The following WDR64 variants were observed in gnomAD, a reference collection of about 807,000 sequenced individuals.
WDR64 encodes the protein WD repeat domain 64, also known as WD repeat-containing protein 64.
In WDR64, 112 loss-of-function variants were observed where a neutral mutation model predicts 139.3. That is an observed-to-expected ratio of 0.80 (90% CI 0.69 to 0.94). The LOEUF (loss-of-function observed/expected upper bound fraction) is 0.94. Ranked by LOEUF, WDR64 falls within the 40% of genes least tolerant of loss-of-function variation. WDR64 has a pLI of 0.00. For synonymous variants in WDR64, 444 were observed against 437.7 expected, an observed-to-expected ratio of 1.01 and a Z score of -0.18; for missense variants, 1,206 against 1,293.1, an observed-to-expected ratio of 0.93 and a Z score of 1.03.
chr1:241,674,593 T>A, intron 3 of WDR64, 51 bp from the exon 4 acceptor site: 1 of 1,234,754 alleles, frequency 8.1e-7, no homozygotes, highest in Non-Finnish European at 1.1e-6. Context: ...AACAAATGAG[T>A]TTCAGCACCT....
chr1:241,747,529 C>G lies in WDR64; in HGVS notation c.1595-2018C>G, dbSNP rs765151492. Among the ~76,000 whole-genome samples, 5 of 152,256 alleles carry G rather than the reference C, an allele frequency of 3.3e-5. 1 individual carries two copies. Among genetic ancestry groups the G allele is most frequent in the Admixed American group, 6.5e-5 (1 of 15,302 alleles). ...TTTGCCAAACACTGAAACACTGATA[C>G]AAATCTTTAAATTTGTACATTAGTT... On this transcript the variant is annotated intron_variant, in intron 13 of 27. Coordinates refer to ENST00000437684, the MANE Select transcript of WDR64 (RefSeq NM_001367482.1).
chr1:241,656,665 G>A lies in WDR64; in HGVS notation c.146-3865G>A, dbSNP rs1029537203. 6.6e-6 allele frequency among the ~76,000 whole-genome samples: 1 copy of A among 152,020 alleles called. No individual in the cohort carries two copies. Among genetic ancestry groups the A allele is most frequent in the South Asian group, 2.1e-4 (1 of 4,826 alleles). On this transcript the variant is annotated intron_variant, in intron 1 of 27. Transcript: ENST00000437684. This position sits in a 1 kb window ranked among gnomAD's most constrained non-coding sequence, Gnocchi z 4.3. Reference sequence around the variant, plus strand: ...AAACCTGAGTGTCATTCTAGAACCAGGTATCTTAACCTTGGCACTACTGAT... The same window carrying A: ...AAACCTGAGTGTCATTCTAGAACCAAGTATCTTAACCTTGGCACTACTGAT...
At chr1:241,722,949 A>G (rs1668662040) in intron 9 of WDR64, among the ~76,000 whole-genome samples, 1 of 152,226 alleles carries the variant, frequency 6.6e-6, no homozygotes, top group Admixed American at 6.5e-5. Context: ...GAATGAAAAC[A>G]AAAGAACAGC....
intron 9 of WDR64, among the ~76,000 whole-genome samples, chr1:241,719,203 T>A (rs1461445206): frequency 6.6e-6 from 1 of 152,158 alleles, no homozygotes; most frequent in Non-Finnish European, 1.5e-5. Context: ...GTTTTTCCCC[T>A]CTTTGGGGAC....
intron 27 of WDR64, among the ~76,000 whole-genome samples, chr1:241,800,423 G>GATAAACT (rs1439386073): frequency 1.3e-5 from 2 of 152,066 alleles, no homozygotes; most frequent in African/African-American, 4.8e-5. Flanking sequence ...TAACTGATAT[G>GATAAACT]AATTTTTAAA....
rs570379831 is a variant in WDR64, at chr1:241,788,750, C to T, written c.2891+716C>T. ...GATCAAAGCAGGAACAATTTGAAAACAATCAAGAAGGGTTCCAGGTGACCC... is the reference window on the plus strand; with the variant it reads ...GATCAAAGCAGGAACAATTTGAAAATAATCAAGAAGGGTTCCAGGTGACCC... On this transcript the variant is annotated intron_variant, in intron 24 of 27. Coordinates refer to ENST00000437684, the MANE Select transcript of WDR64 (RefSeq NM_001367482.1). 7.2e-5 allele frequency among the ~76,000 whole-genome samples: 11 copies of T among 152,240 alleles called. No homozygotes were observed. The South Asian group carries it at 2.3e-3, about 32-fold the overall frequency.
At chr1:241,764,308 G>A (rs1658048798) in intron 15 of WDR64, among the ~76,000 whole-genome samples, 1 of 152,066 alleles carries the variant, frequency 6.6e-6, no homozygotes, top group Admixed American at 6.6e-5. Context: ...GACAGGGACA[G>A]GACTAAAGGC....
chr1:241,766,344 A>C lies in WDR64; in HGVS notation c.2074A>C (p.Lys692Gln), dbSNP rs1296253777. 5.6e-6 allele frequency: 9 copies of C among 1,613,516 alleles called. No homozygotes were observed. The highest frequency in any genetic ancestry group is 7.6e-6 in the Non-Finnish European group (9 of 1,179,772). Reference sequence around the variant, plus strand: ...ATGGAATTTTGTGACGTCTACTGTCAAAAAAGTGTAAGTTGTGTATTATCC... The same window carrying C: ...ATGGAATTTTGTGACGTCTACTGTCCAAAAAGTGTAAGTTGTGTATTATCC... The part of the protein sequence containing the change: ...ILWNFVTSTV[K>Q]KVYRPEDCFT... Residue 692 changes from lysine to glutamine, a missense_variant, in exon 16 of 28, where the codon AAA becomes CAA. Coordinates refer to ENST00000437684, the MANE Select transcript of WDR64 (RefSeq NM_001367482.1).
At chr1:241,673,208 A>G (rs965690091) in intron 3 of WDR64, among the ~76,000 whole-genome samples, 19 of 151,764 alleles carry the variant, frequency 1.3e-4, no homozygotes, top group Admixed American at 3.9e-4. Flanking sequence ...GAGGGATAGC[A>G]TTAGGAGATA....
At chr1:241,668,697 T>C (rs1666112297) in intron 2 of WDR64, among the ~76,000 whole-genome samples, 1 of 151,968 alleles carries the variant, frequency 6.6e-6, no homozygotes. Context: ...GATCACAGGG[T>C]CAGGAGGTCA....
At chr1:241,735,533 C>CCCTT (rs1237771842) in intron 10 of WDR64, among the ~76,000 whole-genome samples, 14 of 103,490 alleles carry the variant, frequency 1.4e-4, no homozygotes, top group East Asian at 5.8e-4. Context: ...CTCTCTCTCT[C>CCCTT]TTTTTTTTTT....
chr1:241,722,622 T>C (rs745658895), intron 9 of WDR64, among the ~76,000 whole-genome samples: 22 of 152,194 alleles, frequency 1.4e-4, no homozygotes, highest in Non-Finnish European at 2.6e-4. Context: ...TAAAAAAAAG[T>C]AGTGGGTATA....
chr1:241,728,367 G>A (rs1668934504), intron 10 of WDR64, among the ~76,000 whole-genome samples: 1 of 151,428 alleles, frequency 6.6e-6, no homozygotes, highest in Admixed American at 6.6e-5. Flanking sequence ...AGCAAACTAG[G>A]CACATACATG....
chr1:241,664,854 G>A (rs2148062781), intron 2 of WDR64, among the ~76,000 whole-genome samples: 1 of 152,162 alleles, frequency 6.6e-6, no homozygotes, highest in African/African-American at 2.4e-5. Context: ...AGTCTGTTTT[G>A]GTCTTGGGAC....
At chr1:241,671,297 C>A in intron 3 of WDR64, 121 bp downstream of exon 3, 1 of 703,796 alleles carries the variant, frequency 1.4e-6, no homozygotes, top group Non-Finnish European at 2.3e-6. Context: ...TACTTTATCA[C>A]TAGGTGTCGG....
chr1:241,671,377 T>G (rs6663921), intron 3 of WDR64, among the ~76,000 whole-genome samples: 150,794 of 152,230 alleles, frequency 0.99, 74,702 homozygotes, highest in Middle Eastern at 1. Flanking sequence ...TATTATAATT[T>G]CTTTGAAGGA....
intron 13 of WDR64, 25 bp downstream of exon 13, chr1:241,744,541 C>T (rs773775009): frequency 9.9e-6 from 16 of 1,611,322 alleles, no homozygotes; most frequent in African/African-American, 9.4e-5. Context: ...CAGAATGTGG[C>T]GTCCCTGCTT....
At chr1:241,707,710 C>T (rs1668005359) in intron 8 of WDR64, among the ~76,000 whole-genome samples, 1 of 152,164 alleles carries the variant, frequency 6.6e-6, no homozygotes, top group South Asian at 2.1e-4. Flanking sequence ...CTCTGGGACG[C>T]CATCCACAAA....
intron 2 of WDR64, among the ~76,000 whole-genome samples, chr1:241,662,526 CAGG>C (rs1202974776): frequency 1.3e-5 from 2 of 152,142 alleles, no homozygotes; most frequent in Non-Finnish European, 2.9e-5. Flanking sequence ...TCAAGGCCAG[CAGG>C]AGAATTTTTC....
Sources: gnomAD v4.1 joint callset for allele counts (sites outside exome capture counted in the v4.1 genomes callset) on GRCh38, gnomAD v4.1.1 for gene constraint, Gnocchi (gnomAD v3.1) non-coding constraint, MANE v1.5 for transcripts, NCBI Gene and HGNC (gene_info 2026-07-23, HGNC 2026-07-21) for gene names.